UBE2E2: variants seen among roughly 807,000 people sequenced by gnomAD.
The protein encoded by UBE2E2 is ubiquitin-conjugating enzyme E2 E2.
A neutral mutation model predicts 24.7 loss-of-function variants in UBE2E2; 6 were observed. The observed-to-expected ratio is 0.24, with a 90% CI of 0.13 to 0.48. The LOEUF is 0.48. Ranked by LOEUF, UBE2E2 falls within the 20% of genes least tolerant of loss-of-function variation. The pLI, the probability that UBE2E2 is intolerant of heterozygous loss-of-function variation, is 0.99. For missense variants in UBE2E2, 169 were observed against 245.0 expected (o/e 0.69, Z 2.07); for synonymous variants, 104 against 83.6 (o/e 1.24, Z -1.33).
chr3:23,438,340 C>T (rs1197171004), intron 3 of UBE2E2, among the ~76,000 whole-genome samples: 3 of 152,068 alleles, frequency 2.0e-5, no homozygotes, highest in Admixed American at 2.0e-4. Flanking sequence ...TTTAGGGTAC[C>T]AGAACCAGAA....
At chr3:23,311,770 A>G (rs1307316128) in intron 3 of UBE2E2, among the ~76,000 whole-genome samples, 1 of 152,152 alleles carries the variant, frequency 6.6e-6, no homozygotes, top group African/African-American at 2.4e-5. Context: ...CATAGTAGGT[A>G]TATATATTTA....
chr3:23,523,825 A>ATT lies in UBE2E2; in HGVS notation c.361-8718_361-8717dup, dbSNP rs5847238. On this transcript the variant is annotated intron_variant, in intron 4 of 5. Transcript: ENST00000396703. ...GAGCACTTGAAATCTCAAAGAGGGGATTTTTTTTTTTTATGTATACTAACA... is the reference window on the plus strand; with the variant it reads ...GAGCACTTGAAATCTCAAAGAGGGGATTTTTTTTTTTTTTATGTATACTAACA... Among the ~76,000 whole-genome samples, 1,386 of 148,104 alleles carry ATT rather than the reference A, an allele frequency of 9.4e-3. 14 individuals are homozygous for ATT. The highest frequency in any genetic ancestry group is 0.029 in the African/African-American group (1,171 of 40,470).
At position 23,217,258 on chromosome 3, in the gene UBE2E2, A is replaced by G. The variant is rs1321007966; in HGVS notation, c.177-4A>G. 1 of 1,611,562 alleles carries G rather than the reference A, an allele frequency of 6.2e-7. No individual in the cohort carries two copies. Among genetic ancestry groups the G allele is most frequent in the South Asian group, 1.1e-5 (1 of 90,944 alleles). On this transcript the variant is annotated splice_polypyrimidine_tract_variant and splice_region_variant and intron_variant, in intron 2 of 5. Transcript: ENST00000396703. ...ACATAATGTTCTTTGTCTTTATTTT[A>G]AAGAATTCAGAAGGAACTTGCAGAA...
chr3:23,203,791 C>T (rs1030243875), intron 1 of UBE2E2, among the ~76,000 whole-genome samples: 1 of 151,336 alleles, frequency 6.6e-6, no homozygotes, highest in Non-Finnish European at 1.5e-5. Flanking sequence ...CTCCTAGCCG[C>T]ATCCTGGAAC....
chr3:23,576,219 G>A (rs1238861679), intron 5 of UBE2E2, among the ~76,000 whole-genome samples: 2 of 152,100 alleles, frequency 1.3e-5, no homozygotes, highest in South Asian at 2.1e-4. Flanking sequence ...TGGAATAAAA[G>A]TATTATGAAA....
intron 3 of UBE2E2, among the ~76,000 whole-genome samples, chr3:23,439,428 A>G (rs1044040541): frequency 2.0e-5 from 3 of 152,352 alleles, no homozygotes; most frequent in Admixed American, 2.0e-4. Context: ...TCTTAACCCT[A>G]GAATTGTTTT....
rs532960797 is a variant in UBE2E2 at position 23,531,987 on chromosome 3, G to A, written c.361-567G>A. ...TGAGGCAGGACAATCGCTTGAACCCGGGAGGTGGAGGTTGCAGTGAGCAAA... is the reference window on the plus strand; with the variant it reads ...TGAGGCAGGACAATCGCTTGAACCCAGGAGGTGGAGGTTGCAGTGAGCAAA... On this transcript the variant is annotated intron_variant, in intron 4 of 5. Coordinates refer to ENST00000396703, the MANE Select transcript of UBE2E2 (RefSeq NM_152653.4). Among the ~76,000 whole-genome samples, 597 of 151,622 alleles carry A rather than the reference G, an allele frequency of 3.9e-3. 3 individuals are homozygous for A. Among genetic ancestry groups the A allele is most frequent in the African/African-American group, 0.013 (541 of 41,288 alleles).
At chr3:23,470,111 T>C (rs908209336) in intron 3 of UBE2E2, among the ~76,000 whole-genome samples, 1 of 152,180 alleles carries the variant, frequency 6.6e-6, no homozygotes, top group Non-Finnish European at 1.5e-5. Context: ...TTACCAGCAA[T>C]CAGATATGGA....
upstream of UBE2E2, chr3:23,203,262 G>A: frequency 1.0e-6 from 1 of 988,578 alleles, no homozygotes; most frequent in South Asian, 4.5e-5. Flanking sequence ...CGGCGCTGAG[G>A]GTGAGTCCGG....
At chr3:23,498,528 C>T (rs1699654543) in intron 3 of UBE2E2, among the ~76,000 whole-genome samples, 1 of 152,140 alleles carries the variant, frequency 6.6e-6, no homozygotes, top group South Asian at 2.1e-4. Context: ...CATTTGATAT[C>T]AGGTCTCCCT....
At chr3:23,274,935 C>G (rs1698344344) in intron 3 of UBE2E2, among the ~76,000 whole-genome samples, 1 of 152,050 alleles carries the variant, frequency 6.6e-6, no homozygotes, top group Non-Finnish European at 1.5e-5. Context: ...TTACAGCTAA[C>G]TTGTTTAGAG....
intron 3 of UBE2E2, among the ~76,000 whole-genome samples, chr3:23,295,365 C>T (rs778138401): frequency 6.6e-6 from 1 of 152,008 alleles, no homozygotes; most frequent in Non-Finnish European, 1.5e-5. Flanking sequence ...AAAATTAAGG[C>T]CTTAATGCTA....
intron 3 of UBE2E2, among the ~76,000 whole-genome samples, chr3:23,350,086 G>T (rs1048317105): frequency 2.6e-5 from 4 of 152,180 alleles, no homozygotes; most frequent in African/African-American, 9.7e-5. Flanking sequence ...ACAAAAATCC[G>T]CTGTTCTGCA....
At chr3:23,541,534 A>G (rs1008527610) in intron 5 of UBE2E2, among the ~76,000 whole-genome samples, 2 of 152,240 alleles carry the variant, frequency 1.3e-5, no homozygotes, top group African/African-American at 2.4e-5. Context: ...AATTACTAGC[A>G]TATTTCTTTC....
chr3:23,339,071 A>G (rs1213162142), intron 3 of UBE2E2, among the ~76,000 whole-genome samples: 1 of 152,212 alleles, frequency 6.6e-6, no homozygotes, highest in Non-Finnish European at 1.5e-5. Flanking sequence ...AAGTAGACAT[A>G]CTAATAATGA....
At chr3:23,542,880 C>G (rs1220153440) in intron 5 of UBE2E2, among the ~76,000 whole-genome samples, 2 of 152,158 alleles carry the variant, frequency 1.3e-5, no homozygotes, top group Admixed American at 1.3e-4. Context: ...TGGCTTTGAC[C>G]TGCTTTTGCT....
chr3:23,300,911 T>C (rs1699062657), intron 3 of UBE2E2, among the ~76,000 whole-genome samples: 2 of 152,242 alleles, frequency 1.3e-5, no homozygotes, highest in African/African-American at 2.4e-5. Context: ...CCCGTCACTT[T>C]CAGGTACACC....
intron 3 of UBE2E2, among the ~76,000 whole-genome samples, chr3:23,372,141 A>G (rs1240293267): frequency 6.6e-6 from 1 of 152,142 alleles, no homozygotes; most frequent in Non-Finnish European, 1.5e-5. Context: ...GAAAAAAGTC[A>G]TTGAGCTGTA....
At chr3:23,551,900 A>G in intron 5 of UBE2E2, among the ~76,000 whole-genome samples, 1 of 152,168 alleles carries the variant, frequency 6.6e-6, no homozygotes, top group Non-Finnish European at 1.5e-5. Context: ...TAGGGCTTAT[A>G]AAGAGGTAAT....
Sources: gnomAD v4.1 joint callset for allele counts (sites outside exome capture counted in the v4.1 genomes callset) on GRCh38, gnomAD v4.1.1 for gene constraint, MANE v1.5 for transcripts, NCBI Gene and HGNC (gene_info 2026-07-23, HGNC 2026-07-21) for gene names.